The following TAF4B variants were observed in gnomAD, a reference collection of about 807,000 sequenced individuals.
The protein encoded by TAF4B is transcription initiation factor TFIID subunit 4B.
In TAF4B, 38 loss-of-function variants were observed where a neutral mutation model predicts 86.4. That is an observed-to-expected ratio of 0.44 (90% CI 0.34 to 0.58). TAF4B has a LOEUF of 0.58. Ranked by LOEUF, TAF4B falls within the 20% of genes least tolerant of loss-of-function variation. TAF4B has a pLI of 0.02. For synonymous variants in TAF4B, 388 were observed against 391.2 expected (o/e 0.99, Z 0.10); for missense variants, 988 against 1,027.6 (o/e 0.96, Z 0.53).
chr18:26,346,773 A>ATATATATATATATATGTGTGTG lies in TAF4B; in HGVS notation c.2317-10916_2317-10915insATATATATATATATGTGTGTGT, dbSNP rs1404902479. On this transcript the variant is annotated intron_variant, in intron 13 of 14. Coordinates refer to ENST00000269142, the MANE Select transcript of TAF4B (RefSeq NM_005640.3). ...TATATATGTGTGTATATATATATATATGTGTGTGTATATATATATATATAT... is the reference window on the plus strand; with the variant it reads ...TATATATGTGTGTATATATATATATATATATATATATATATGTGTGTGTGTGTGTGTATATATATATATATAT... Among the ~76,000 whole-genome samples, 6 of 24,106 alleles carry ATATATATATATATATGTGTGTG rather than the reference A, an allele frequency of 2.5e-4. 1 individual carries two copies. Among genetic ancestry groups the ATATATATATATATATGTGTGTG allele is most frequent in the Admixed American group, 8.6e-4 (2 of 2,330 alleles). The allele number at this position is 24,106 out of a possible 152,430, so 15.8% of individuals were successfully genotyped here.
intron 9 of TAF4B, among the ~76,000 whole-genome samples, chr18:26,297,071 T>A (rs1301047884): frequency 1.3e-5 from 2 of 151,056 alleles, no homozygotes; most frequent in African/African-American, 4.9e-5. Context: ...CCCTGGGAGG[T>A]TGCAGTGAGC....
chr18:26,356,181 C>G (rs1040985146), intron 13 of TAF4B, among the ~76,000 whole-genome samples: 4 of 152,082 alleles, frequency 2.6e-5, no homozygotes, highest in Non-Finnish European at 5.9e-5. Flanking sequence ...TATGTTCTCA[C>G]TTGGTGGAAG....
chr18:26,245,879 G>A (rs1376454983), intron 1 of TAF4B, among the ~76,000 whole-genome samples: 1 of 152,144 alleles, frequency 6.6e-6, no homozygotes, highest in Non-Finnish European at 1.5e-5. Flanking sequence ...TTGACCACTT[G>A]CCTATTCGCA....
At chr18:26,302,225 A>G (rs1057296360) in intron 9 of TAF4B, among the ~76,000 whole-genome samples, 2 of 151,970 alleles carry the variant, frequency 1.3e-5, no homozygotes, top group African/African-American at 4.8e-5. Flanking sequence ...GTATATTTTG[A>G]TGAACAGAAA....
intron 9 of TAF4B, among the ~76,000 whole-genome samples, chr18:26,306,809 C>T (rs1465399849): frequency 9.8e-6 from 1 of 101,940 alleles, no homozygotes; most frequent in African/African-American, 3.9e-5. Context: ...GATGGAGTCT[C>T]ACTCTGTCTC....
intron 9 of TAF4B, among the ~76,000 whole-genome samples, chr18:26,299,024 G>A (rs1426944106): frequency 1.3e-5 from 2 of 151,742 alleles, no homozygotes; most frequent in Non-Finnish European, 2.9e-5. Flanking sequence ...ACCATGCATG[G>A]CTAATTTTGC....
chr18:26,346,468 A>G (rs2057180046), intron 13 of TAF4B, among the ~76,000 whole-genome samples: 1 of 151,892 alleles, frequency 6.6e-6, no homozygotes. Context: ...AAATTTCTCA[A>G]GTATTTGGAG....
chr18:26,328,291 A>G (rs1351930115), intron 12 of TAF4B, among the ~76,000 whole-genome samples: 1 of 152,036 alleles, frequency 6.6e-6, no homozygotes, highest in Non-Finnish European at 1.5e-5. Context: ...TCAACTAAAA[A>G]TACAAATATT....
At chr18:26,346,779 GTGTATATATATATA>G (rs2057187280) in intron 13 of TAF4B, among the ~76,000 whole-genome samples, 1 of 17,898 alleles carries the variant, frequency 5.6e-5, no homozygotes, top group Non-Finnish European at 1.2e-4. Flanking sequence ...ATATATGTGT[GTGTATATATATATA>G]TATATGTGTA....
intron 7 of TAF4B, among the ~76,000 whole-genome samples, chr18:26,287,378 T>G (rs956270726): frequency 6.6e-6 from 1 of 152,206 alleles, no homozygotes; most frequent in Non-Finnish European, 1.5e-5. Context: ...GCCCAGAATA[T>G]TTGCAGAATA....
intron 13 of TAF4B, chr18:26,348,460 T>A (rs769230256): frequency 6.5e-6 from 1 of 153,894 alleles, no homozygotes; most frequent in Non-Finnish European, 1.5e-5. Context: ...AGAGAAGGCT[T>A]ACAGATGTAG....
chr18:26,238,369 G>A (rs774796845), intron 1 of TAF4B, among the ~76,000 whole-genome samples: 8 of 152,028 alleles, frequency 5.3e-5, no homozygotes, highest in Non-Finnish European at 1.0e-4. Context: ...GAATAGGAAG[G>A]ATATAATTTC....
intron 9 of TAF4B, 122 bp downstream of exon 9, chr18:26,293,653 TTTA>T (rs1309441294): frequency 1.7e-6 from 1 of 580,562 alleles, no homozygotes; most frequent in South Asian, 2.7e-5. Context: ...CTAACAGTAC[TTTA>T]TTGAGTATAA....
At chr18:26,286,569 A>C (rs1457783870) in intron 7 of TAF4B, 70 bp downstream of exon 7, 1 of 1,499,904 alleles carries the variant, frequency 6.7e-7, no homozygotes, top group East Asian at 2.3e-5. Flanking sequence ...AACTGGTAAG[A>C]CTAGTAGAAA....
intron 6 of TAF4B, among the ~76,000 whole-genome samples, chr18:26,283,429 T>C (rs899177809): frequency 6.0e-5 from 8 of 132,644 alleles, no homozygotes; most frequent in Non-Finnish European, 1.2e-4. Flanking sequence ...GAAAATAATC[T>C]TTTTTTTTTT....
chr18:26,287,234 C>A (rs980782009), intron 7 of TAF4B, among the ~76,000 whole-genome samples: 1 of 152,088 alleles, frequency 6.6e-6, no homozygotes, highest in Non-Finnish European at 1.5e-5. Context: ...AAACTCTTGG[C>A]CTCAACTGTT....
At chr18:26,359,731 G>A (rs2057315882) in intron 14 of TAF4B, among the ~76,000 whole-genome samples, 1 of 151,952 alleles carries the variant, frequency 6.6e-6, no homozygotes, top group Non-Finnish European at 1.5e-5. Context: ...CTATTTGTTT[G>A]TTTATGTAGA....
At chr18:26,332,871 C>T (rs2057062128) in intron 12 of TAF4B, among the ~76,000 whole-genome samples, 1 of 152,074 alleles carries the variant, frequency 6.6e-6, no homozygotes, top group South Asian at 2.1e-4. Flanking sequence ...AGCCCCAATT[C>T]CTTATCATGG....
rs753076804 is a variant in TAF4B, at chr18:26,286,507, A to G, written c.1590+8A>G. The stretch of plus-strand genomic sequence containing the variant: ...GTTCAAGTCAAGCAACTAGTGAGTA[A>G]CATTTTGTTTCTTCCCCAGTTACTT... On this transcript the variant is annotated splice_region_variant and intron_variant, in intron 7 of 14. Transcript: ENST00000269142. 5.1e-6 allele frequency: 8 copies of G among 1,580,566 alleles called. No individual in the cohort carries two copies. The Admixed American group carries it at 1.2e-4, about 23-fold the overall frequency.
Sources: allele counts gnomAD v4.1 joint callset (sites outside exome capture counted in the v4.1 genomes callset), GRCh38; gene constraint gnomAD v4.1.1; transcripts MANE v1.5; gene names NCBI Gene and HGNC (gene_info 2026-07-23, HGNC 2026-07-21).